Variants in C12orf42 observed in about 807,000 individuals in gnomAD.
C12orf42 encodes uncharacterized protein C12orf42.
In C12orf42, 25 loss-of-function variants were observed where a neutral mutation model predicts 21.6. The observed-to-expected ratio is 1.16, with a 90% CI of 0.84 to 1.62. The LOEUF (loss-of-function observed/expected upper bound fraction) is 1.62, where lower values mean the gene tolerates loss of function less well. C12orf42 is among the 40% of genes most tolerant of loss of function. The pLI, the probability that C12orf42 is intolerant of heterozygous loss-of-function variation, is 0.00. For synonymous variants in C12orf42, 174 were observed against 175.0 expected (o/e 0.99, Z 0.05); for missense variants, 483 against 459.3 (o/e 1.05, Z -0.47).
chr12:103,463,964 C>T (rs1020917598), intron 2 of C12orf42, among the ~76,000 whole-genome samples: 1 of 152,164 alleles, frequency 6.6e-6, no homozygotes, highest in Non-Finnish European at 1.5e-5. Flanking sequence ...TTTCTTTACC[C>T]AGTCAATCAT....
the C12orf42 span, among the ~76,000 whole-genome samples, chr12:103,506,858 TTATA>T: frequency 2.1e-4 from 15 of 72,136 alleles, no homozygotes; most frequent in African/African-American, 8.5e-4. Flanking sequence ...TATTTATATA[TTATA>T]TATATATATT....
chr12:103,483,996 C>G (rs1028544397), intron 1 of C12orf42, among the ~76,000 whole-genome samples: 1 of 152,104 alleles, frequency 6.6e-6, no homozygotes, highest in Non-Finnish European at 1.5e-5. Flanking sequence ...TGAACTCATC[C>G]TTTTTTATGG....
chr12:103,084,057 G>A, the C12orf42 span, among the ~76,000 whole-genome samples: 1 of 152,132 alleles, frequency 6.6e-6, no homozygotes, highest in Non-Finnish European at 1.5e-5. Flanking sequence ...ACATTTTTAA[G>A]ATGCACTTCC....
chr12:103,226,591 G>C, the C12orf42 span, among the ~76,000 whole-genome samples: 2 of 152,168 alleles, frequency 1.3e-5, no homozygotes, highest in Non-Finnish European at 1.5e-5. Context: ...AGAGTAAATT[G>C]CTGGGCAGGT....
chr12:103,132,323 GCTGGGGTCCTGAAATGGCTCCCTAA>G, the C12orf42 span, among the ~76,000 whole-genome samples: 49,693 of 151,628 alleles, frequency 0.33, 8,482 homozygotes, highest in East Asian at 0.48. Context: ...ACAGGGCTTG[GCTGGGGTCCTGAAATGGCTCCCTAA>G]CATGGGAAAA....
the C12orf42 span, among the ~76,000 whole-genome samples, chr12:103,058,834 T>TCAC: frequency 5.3e-5 from 8 of 152,194 alleles, no homozygotes; most frequent in African/African-American, 1.9e-4. Context: ...TAAAGCAGTG[T>TCAC]TAAGAGAGAA....
At chr12:103,515,575 A>T in the C12orf42 span, among the ~76,000 whole-genome samples, 16 of 152,310 alleles carry the variant, frequency 1.1e-4, no homozygotes, top group South Asian at 3.3e-3. Flanking sequence ...AGGCTTGAAA[A>T]GCTAAATCCC....
intron 3 of C12orf42, among the ~76,000 whole-genome samples, chr12:103,398,296 T>C (rs1416691796): frequency 6.6e-6 from 1 of 152,226 alleles, no homozygotes; most frequent in African/African-American, 2.4e-5. Context: ...TTTATACTTT[T>C]ATTGGATATT....
At chr12:103,317,796 C>T (rs2039665977) in intron 4 of C12orf42, among the ~76,000 whole-genome samples, 1 of 151,714 alleles carries the variant, frequency 6.6e-6, no homozygotes. Context: ...TTTTGTAGGT[C>T]AAAAATGGTC....
intron 4 of C12orf42, among the ~76,000 whole-genome samples, chr12:103,322,123 GCGCACACACACACA>G (rs2040229624): frequency 8.4e-6 from 1 of 119,128 alleles, no homozygotes; most frequent in African/African-American, 3.2e-5. Flanking sequence ...GCGCGCGCGC[GCGCACACACACACA>G]CACACACACA....
At chr12:103,464,432 T>A (rs575437929) in intron 2 of C12orf42, among the ~76,000 whole-genome samples, 1 of 151,260 alleles carries the variant, frequency 6.6e-6, no homozygotes, top group South Asian at 2.1e-4. Flanking sequence ...TTTTTTCTTG[T>A]AAACTTAAGC....
At chr12:103,063,094 A>G in the C12orf42 span, among the ~76,000 whole-genome samples, 1 of 152,214 alleles carries the variant, frequency 6.6e-6, no homozygotes. Context: ...TGGTGATTCT[A>G]TACATAATAC....
chr12:103,373,141 A>G (rs1370303982), intron 3 of C12orf42, among the ~76,000 whole-genome samples: 1 of 151,990 alleles, frequency 6.6e-6, no homozygotes, highest in Non-Finnish European at 1.5e-5. Flanking sequence ...TGAAAGCACA[A>G]CCCCCACCTT....
At chr12:103,294,469 AG>A (rs2037059715) in intron 4 of C12orf42, among the ~76,000 whole-genome samples, 2 of 130,096 alleles carry the variant, frequency 1.5e-5, no homozygotes, top group Admixed American at 7.3e-5. Flanking sequence ...AAAGAAAGAA[AG>A]AAATAAGCAA....
chr12:103,061,858 T>C, the C12orf42 span, among the ~76,000 whole-genome samples: 1 of 151,998 alleles, frequency 6.6e-6, no homozygotes, highest in African/African-American at 2.4e-5. Flanking sequence ...ACTTATATTG[T>C]TGATTTTATA....
intron 10 of C12orf42, among the ~76,000 whole-genome samples, chr12:103,253,321 G>T (rs964385540): frequency 2.0e-5 from 3 of 151,934 alleles, no homozygotes; most frequent in Non-Finnish European, 4.4e-5. Flanking sequence ...ATTTAAAGTA[G>T]TTTTTTTCTA....
intron 2 of C12orf42, among the ~76,000 whole-genome samples, chr12:103,417,203 G>C (rs1170394609): frequency 1.3e-5 from 2 of 152,026 alleles, no homozygotes; most frequent in Non-Finnish European, 2.9e-5. Flanking sequence ...AATTTTAATG[G>C]GAAAATCCCC....
At chr12:103,509,917 TA>T in the C12orf42 span, among the ~76,000 whole-genome samples, 1 of 152,182 alleles carries the variant, frequency 6.6e-6, no homozygotes, top group African/African-American at 2.4e-5. Context: ...GGAATGTAAC[TA>T]GTACAACTGC....
At chr12:103,053,640 T>G in the C12orf42 span, among the ~76,000 whole-genome samples, 3 of 152,092 alleles carry the variant, frequency 2.0e-5, no homozygotes, top group South Asian at 4.1e-4. Context: ...AACTGAATTG[T>G]GTTTGCGATG....
Sources: allele counts gnomAD v4.1 joint callset (sites outside exome capture counted in the v4.1 genomes callset), GRCh38; gene constraint gnomAD v4.1.1; transcripts MANE v1.5; gene names NCBI Gene and HGNC (gene_info 2026-07-23, HGNC 2026-07-21).